Variants in RNF150 observed in about 807,000 individuals in gnomAD.
RNF150 encodes ring finger protein 150.
In RNF150, 24 loss-of-function variants were observed where a neutral mutation model predicts 39.3. The observed-to-expected ratio is 0.61, with a 90% CI of 0.44 to 0.86. The LOEUF (loss-of-function observed/expected upper bound fraction) is 0.86. RNF150 is among the 40% of genes least tolerant of loss of function. The pLI is 0.00. For synonymous variants in RNF150, 255 were observed against 227.3 expected (o/e 1.12, Z -1.10); for missense variants, 502 against 587.8 (o/e 0.85, Z 1.51).
intron 1 of RNF150, among the ~76,000 whole-genome samples, chr4:141,156,734 TAAAAAAAAAAA>T (rs3081645): frequency 1.8e-4 from 17 of 96,630 alleles, no homozygotes; most frequent in Non-Finnish European, 2.7e-4. Context: ...TCTCTACTAC[TAAAAAAAAAAA>T]AAAAAAAAAA....
rs543555148 is a variant in RNF150, at chr4:141,032,055, TAC to T, written c.485-64184_485-64183del. On this transcript the variant is annotated intron_variant, in intron 1 of 6. Coordinates refer to ENST00000515673, the MANE Select transcript of RNF150 (RefSeq NM_020724.2). ...ACACATATATATATAAACATATATA[TAC>T]ACACACACACACATACACATACATA... is the stretch of plus-strand genomic sequence containing the variant. Among the ~76,000 whole-genome samples the T allele has an allele frequency of 1.1e-3, 160 of 150,808 alleles. 1 individual carries two copies. The highest frequency in any genetic ancestry group is 3.5e-3 in the Middle Eastern group (1 of 288).
intron 1 of RNF150, among the ~76,000 whole-genome samples, chr4:141,141,261 G>A (rs1355549192): frequency 2.6e-5 from 4 of 152,198 alleles, no homozygotes; most frequent in African/African-American, 9.6e-5. Context: ...AAATGAAGGT[G>A]TTGAAATTGA....
intron 1 of RNF150, among the ~76,000 whole-genome samples, chr4:141,109,547 C>T (rs945772642): frequency 3.3e-5 from 5 of 151,796 alleles, no homozygotes; most frequent in African/African-American, 1.2e-4. Context: ...AGGTTATATC[C>T]CATCCCTTAG....
At chr4:140,895,305 A>G (rs559645376) in intron 6 of RNF150, among the ~76,000 whole-genome samples, 1 of 152,288 alleles carries the variant, frequency 6.6e-6, no homozygotes, top group South Asian at 2.1e-4. Context: ...TCTAAGGGGA[A>G]GCTGAATATT....
chr4:140,933,110 T>C (rs956576957), intron 4 of RNF150, among the ~76,000 whole-genome samples: 5 of 152,330 alleles, frequency 3.3e-5, no homozygotes, highest in African/African-American at 1.2e-4. Flanking sequence ...GGGATAATGG[T>C]AATATTAACT....
chr4:140,969,830 C>T (rs1426135372), intron 1 of RNF150, among the ~76,000 whole-genome samples: 4 of 141,700 alleles, frequency 2.8e-5, no homozygotes, highest in Admixed American at 7.7e-5. Context: ...GGCATGATCT[C>T]GGCTCACTGC....
chr4:141,027,769 A>C (rs1165050673), intron 1 of RNF150, among the ~76,000 whole-genome samples: 3 of 152,192 alleles, frequency 2.0e-5, no homozygotes, highest in African/African-American at 4.8e-5. Flanking sequence ...TGAATGGTGC[A>C]GAGTAGCCCT....
intron 1 of RNF150, among the ~76,000 whole-genome samples, chr4:140,978,172 G>GT (rs1193934574): frequency 6.6e-6 from 1 of 152,114 alleles, no homozygotes; most frequent in Non-Finnish European, 1.5e-5. Flanking sequence ...CTCAAAATAT[G>GT]TAAGGCTCAT....
At chr4:140,915,460 C>T (rs1730781911) in intron 5 of RNF150, among the ~76,000 whole-genome samples, 1 of 152,138 alleles carries the variant, frequency 6.6e-6, no homozygotes, top group African/African-American at 2.4e-5. Context: ...AAAATTCCTC[C>T]CAGATCCTGA....
intron 5 of RNF150, among the ~76,000 whole-genome samples, chr4:140,925,383 C>T (rs1391356936): frequency 2.0e-5 from 3 of 152,148 alleles, no homozygotes; most frequent in Non-Finnish European, 4.4e-5. Flanking sequence ...CATTTAGTCT[C>T]TGGGGGAGTC....
intron 6 of RNF150, among the ~76,000 whole-genome samples, chr4:140,891,626 C>G (rs1346127579): frequency 6.6e-6 from 1 of 152,186 alleles, no homozygotes; most frequent in Non-Finnish European, 1.5e-5. Context: ...CAGGACACTG[C>G]CCCCTATCAA....
chr4:141,023,088 GT>G (rs1413815130), intron 1 of RNF150, among the ~76,000 whole-genome samples: 1 of 152,144 alleles, frequency 6.6e-6, no homozygotes, highest in Non-Finnish European at 1.5e-5. Context: ...AGTGTACTAA[GT>G]GCCTTCCTTT....
In RNF150 at chr4:141,132,547, C is replaced by A; in HGVS notation, c.262G>T (p.Gly88Trp). 6.3e-7 allele frequency: 1 copy of A among 1,595,524 alleles called. No individual in the cohort carries two copies. The highest frequency in any genetic ancestry group is 2.3e-5 in the East Asian group (1 of 43,864). ...GEHSPKQDAR[G>W]EVVMASSAHD... ...GCCGAGCTGGCCATGACCACCTCCC[C>A]GCGGGCGTCCTGCTTGGGCGAGTGC... Residue 88 changes from glycine to tryptophan, a missense_variant, in exon 1 of 7, where the codon GGG (glycine) becomes TGG (tryptophan). Coordinates refer to ENST00000515673, the MANE Select transcript of RNF150 (RefSeq NM_020724.2). This position sits in a 1 kb window ranked among gnomAD's most constrained non-coding sequence, Gnocchi z 4.9.
intron 1 of RNF150, among the ~76,000 whole-genome samples, chr4:141,099,354 TTGA>T (rs1347049504): frequency 3.3e-5 from 5 of 152,104 alleles, no homozygotes; most frequent in Non-Finnish European, 5.9e-5. Flanking sequence ...TCAGAAGATA[TTGA>T]TCAGTTATCA....
intron 1 of RNF150, among the ~76,000 whole-genome samples, chr4:140,971,866 C>T (rs1361197936): frequency 6.6e-6 from 1 of 152,140 alleles, no homozygotes; most frequent in African/African-American, 2.4e-5. Flanking sequence ...AGACATTTCA[C>T]AAAGCCTGTA....
chr4:141,202,962 T>C (rs2111219288), intron 1 of RNF150, among the ~76,000 whole-genome samples: 1 of 151,604 alleles, frequency 6.6e-6, no homozygotes, highest in Non-Finnish European at 1.5e-5. Context: ...AAATTTATGT[T>C]TTTTGTGAAA....
intron 1 of RNF150, among the ~76,000 whole-genome samples, chr4:141,179,299 T>G (rs924154554): frequency 6.6e-6 from 1 of 152,206 alleles, no homozygotes; most frequent in African/African-American, 2.4e-5. Flanking sequence ...TCATTTCTAA[T>G]CAACTTTCTA....
chr4:141,191,587 G>A (rs1182613505), intron 1 of RNF150, among the ~76,000 whole-genome samples: 1 of 152,216 alleles, frequency 6.6e-6, no homozygotes, highest in Non-Finnish European at 1.5e-5. Context: ...CTTCAGCAAT[G>A]AAGAGGAGAT....
rs1726943196 is a variant in RNF150 at position 141,132,886 on chromosome 4, C to G, written c.-78G>C. ...CCTCCTCCCCAGCCCCGGCCAACCC[C>G]GGGCCGCTGCCTCTCCTCCTGCTGC... On this transcript the variant is annotated 5_prime_UTR_variant, in exon 1 of 7. Coordinates refer to ENST00000515673, the MANE Select transcript of RNF150 (RefSeq NM_020724.2). This position sits in a 1 kb window ranked among gnomAD's most constrained non-coding sequence, Gnocchi z 4.9. 3 of 1,248,806 alleles carry G rather than the reference C, an allele frequency of 2.4e-6. No individual in the cohort carries two copies. The highest frequency in any genetic ancestry group is 3.1e-5 in the African/African-American group (2 of 65,374). 77.4% of individuals were successfully genotyped at this position (1,248,806 alleles called of 1,614,324 possible). A position where few individuals can be genotyped will look rare whatever the true frequency, so the allele number is the denominator to read the frequency against.
Sources: allele counts gnomAD v4.1 joint callset (sites outside exome capture counted in the v4.1 genomes callset), GRCh38; gene constraint gnomAD v4.1.1; non-coding constraint Gnocchi (gnomAD v3.1); transcripts MANE v1.5; gene names NCBI Gene and HGNC (gene_info 2026-07-23, HGNC 2026-07-21).